Variants in LTBP1 observed in about 807,000 individuals in gnomAD.
LTBP1 encodes latent-transforming growth factor beta-binding protein 1.
In LTBP1, 129 loss-of-function variants were observed where a neutral mutation model predicts 207.6. That is an observed-to-expected ratio of 0.62 (90% confidence interval 0.54 to 0.72). The LOEUF (loss-of-function observed/expected upper bound fraction) is 0.72. Among genes scored for constraint, LTBP1 ranks in the 30% least tolerant of loss-of-function variants. The pLI is 0.00. For synonymous variants in LTBP1, 963 were observed against 833.7 expected, an observed-to-expected ratio of 1.16 and a Z score of -2.67; for missense variants, 2,281 against 2,217.2, an observed-to-expected ratio of 1.03 and a Z score of -0.58.
intron 3 of LTBP1, among the ~76,000 whole-genome samples, chr2:33,093,602 A>G (rs2079225263): frequency 6.6e-6 from 1 of 152,194 alleles, no homozygotes; most frequent in Non-Finnish European, 1.5e-5. Flanking sequence ...ACCCTAGGCA[A>G]TGAATATAAC....
chr2:33,361,569 C>G (rs2094927724), intron 28 of LTBP1, 54 bp downstream of exon 28: 1 of 1,240,142 alleles, frequency 8.1e-7, no homozygotes, highest in Non-Finnish European at 1.2e-6. Context: ...GTCAGATATT[C>G]AAGTGAAAAC....
intron 26 of LTBP1, among the ~76,000 whole-genome samples, chr2:33,360,280 C>T (rs1183219364): frequency 6.6e-6 from 1 of 152,046 alleles, no homozygotes; most frequent in Non-Finnish European, 1.5e-5. Flanking sequence ...AACAAATGGC[C>T]CTATGTTTGG....
At chr2:33,322,000 A>C (rs966595837) in intron 24 of LTBP1, among the ~76,000 whole-genome samples, 3 of 152,198 alleles carry the variant, frequency 2.0e-5, no homozygotes, top group African/African-American at 7.2e-5. Flanking sequence ...AAGCTGAGGA[A>C]ATTTTTCTGG....
rs545440987 is a variant in LTBP1 at position 33,187,037 on chromosome 2, A to G, written c.1383A>G (p.Thr461=). 6.2e-7 allele frequency: 1 copy of G among 1,614,186 alleles called. No individual in the cohort carries two copies. The highest frequency in any genetic ancestry group is 1.1e-5 in the South Asian group (1 of 91,084). Residue 461 remains threonine (T), a synonymous_variant, in exon 6 of 34, where the codon ACA becomes ACG. Coordinates refer to ENST00000404816, the MANE Select transcript of LTBP1 (RefSeq NM_206943.4). ...TGGGGACGCATGTCATCCATTCAAC[A>G]CATACCTTGCCTCTGACCGTGACTA... The part of the protein sequence containing the change: ...KALGTHVIHS[T]HTLPLTVTSQ...
At position 33,334,299 on chromosome 2, in the gene LTBP1, G is replaced by A. The variant is rs550673836; in HGVS notation, c.3731-8539G>A. Among the ~76,000 whole-genome samples, 9 of 152,364 alleles carry A rather than the reference G, an allele frequency of 5.9e-5. No individual in the cohort carries two copies. In the South Asian group the frequency reaches 1.2e-3, roughly 21 times the overall value. On this transcript the variant is annotated intron_variant, in intron 24 of 33. Transcript: ENST00000404816. ...CCACATGGACAAGCGCAGACAGCACGTGGCAAAGGCCTCTATGCCATTACC... is the reference window on the plus strand; with the variant it reads ...CCACATGGACAAGCGCAGACAGCACATGGCAAAGGCCTCTATGCCATTACC...
chr2:33,394,309 A>G (rs1424091244), intron 32 of LTBP1, among the ~76,000 whole-genome samples: 5 of 151,784 alleles, frequency 3.3e-5, no homozygotes, highest in African/African-American at 4.8e-5. Flanking sequence ...ATTAGATCCC[A>G]TTTGTCAATT....
chr2:33,373,164 G>C (rs2095091211), intron 31 of LTBP1, among the ~76,000 whole-genome samples: 1 of 152,202 alleles, frequency 6.6e-6, no homozygotes, highest in Non-Finnish European at 1.5e-5. Flanking sequence ...GCGATGTAAT[G>C]TACTACAGCA....
chr2:33,219,207 A>T (rs1176364763), intron 8 of LTBP1, among the ~76,000 whole-genome samples: 1 of 152,222 alleles, frequency 6.6e-6, no homozygotes, highest in Non-Finnish European at 1.5e-5. Flanking sequence ...TTCTTCATTT[A>T]CAAAAATAAT....
At chr2:33,120,745 T>C (rs2081058984) in intron 4 of LTBP1, among the ~76,000 whole-genome samples, 1 of 152,224 alleles carries the variant, frequency 6.6e-6, no homozygotes, top group African/African-American at 2.4e-5. Flanking sequence ...TAGTTCTGCT[T>C]TTAGCTCTTT....
At chr2:33,259,507 C>G (rs1313206542) in intron 12 of LTBP1, 81 bp from the exon 13 acceptor site, 9 of 989,046 alleles carry the variant, frequency 9.1e-6, no homozygotes, top group Middle Eastern at 4.4e-4. Flanking sequence ...TAATGGACTT[C>G]TATTGTTTTT....
chr2:33,069,899 G>C (rs1322399202), intron 3 of LTBP1, among the ~76,000 whole-genome samples: 3 of 152,228 alleles, frequency 2.0e-5, no homozygotes, highest in Non-Finnish European at 2.9e-5. Flanking sequence ...GTCTGAGGGA[G>C]ACCCTGTGGG....
chr2:33,302,045 G>C (rs773997266), intron 22 of LTBP1, among the ~76,000 whole-genome samples: 1 of 152,180 alleles, frequency 6.6e-6, no homozygotes, highest in Non-Finnish European at 1.5e-5. Context: ...CATCAATTCA[G>C]TTTTTGGCTT....
intron 3 of LTBP1, among the ~76,000 whole-genome samples, chr2:33,060,002 T>C (rs946295563): frequency 6.6e-6 from 1 of 152,228 alleles, no homozygotes; most frequent in Non-Finnish European, 1.5e-5. Flanking sequence ...GAATAAGAAA[T>C]CCAAGTTCTT....
chr2:33,364,440 T>C (rs2094960820), intron 30 of LTBP1, 84 bp downstream of exon 30: 1 of 1,344,462 alleles, frequency 7.4e-7, no homozygotes, highest in African/African-American at 1.5e-5. Context: ...TATTGGAAAA[T>C]AGAAAAATGG....
chr2:32,994,257 C>G (rs1463996992), intron 2 of LTBP1, among the ~76,000 whole-genome samples: 1 of 152,074 alleles, frequency 6.6e-6, no homozygotes, highest in Non-Finnish European at 1.5e-5. Flanking sequence ...GTGCCTGGCA[C>G]TAAGTGTGTT....
At chr2:33,150,258 T>C (rs1290523004) in intron 5 of LTBP1, among the ~76,000 whole-genome samples, 2 of 152,206 alleles carry the variant, frequency 1.3e-5, no homozygotes, top group Non-Finnish European at 2.9e-5. Context: ...GTTATTTCTT[T>C]TGTGCTTTTT....
At chr2:33,014,316 C>T (rs149447322) in intron 2 of LTBP1, among the ~76,000 whole-genome samples, 32 of 152,098 alleles carry the variant, frequency 2.1e-4, no homozygotes, top group East Asian at 7.7e-4. Context: ...ACATTTACAA[C>T]GAAACAACAG....
chr2:33,013,334 A>G (rs1331935929), intron 2 of LTBP1, among the ~76,000 whole-genome samples: 3 of 152,040 alleles, frequency 2.0e-5, no homozygotes, highest in African/African-American at 4.8e-5. Context: ...ACATTACCCT[A>G]TAAGTTTCTT....
chr2:32,954,526 T>C (rs1452563729), intron 2 of LTBP1, among the ~76,000 whole-genome samples: 3 of 150,444 alleles, frequency 2.0e-5, no homozygotes, highest in African/African-American at 7.4e-5. Flanking sequence ...TCAGTCATAC[T>C]GTATTAGGGC....
Sources: gnomAD v4.1 joint callset for allele counts (sites outside exome capture counted in the v4.1 genomes callset) on GRCh38, gnomAD v4.1.1 for gene constraint, MANE v1.5 for transcripts, NCBI Gene and HGNC (gene_info 2026-07-23, HGNC 2026-07-21) for gene names.